The following TAF2 variants were observed in gnomAD, a reference collection of about 807,000 sequenced individuals.
TAF2 encodes the protein TATA-box binding protein associated factor 2.
TAF2 carries 61 observed loss-of-function variants against 138.5 expected under a neutral mutation model. The ratio of observed to expected loss-of-function variants is 0.44; its 90% CI spans 0.36 to 0.54. The LOEUF is 0.54. Ranked by LOEUF, TAF2 falls within the 20% of genes least tolerant of loss-of-function variation. The pLI, the probability that TAF2 is intolerant of heterozygous loss-of-function variation, is 0.00. For synonymous variants in TAF2, 475 were observed against 469.9 expected, an observed-to-expected ratio of 1.01 and a Z score of -0.14; for missense variants, 1,090 against 1,427.9, an observed-to-expected ratio of 0.76 and a Z score of 3.81.
intron 25 of TAF2, among the ~76,000 whole-genome samples, chr8:119,740,471 T>C (rs1264052725): frequency 7.3e-6 from 1 of 136,418 alleles, no homozygotes; most frequent in African/African-American, 2.8e-5. Flanking sequence ...CTGGCCAATA[T>C]GGTGAAATCC....
Position 119,746,942 on chromosome 8 carries a change from G to GT in TAF2, c.2879-9dup. On this transcript the variant is annotated splice_polypyrimidine_tract_variant and intron_variant, in intron 22 of 25. Coordinates refer to ENST00000378164, the MANE Select transcript of TAF2 (RefSeq NM_003184.4). ...TCCAGTCATGTGAAGTACCTAAAAAGTAAGTAATAAAGAAATGAGTCAATA... is the reference window on the plus strand; with the variant it reads ...TCCAGTCATGTGAAGTACCTAAAAAGTTAAGTAATAAAGAAATGAGTCAATA... 1.2e-6 allele frequency: 2 copies of GT among 1,613,554 alleles called. No homozygotes were observed. Among genetic ancestry groups the GT allele is most frequent in the Non-Finnish European group, 1.7e-6 (2 of 1,179,642 alleles).
chr8:119,815,024 C>T (rs1365092117), intron 3 of TAF2, among the ~76,000 whole-genome samples: 5 of 151,674 alleles, frequency 3.3e-5, no homozygotes, highest in Admixed American at 2.6e-4. Context: ...GGCATGATCT[C>T]GAACTCATGA....
At chr8:119,736,863 T>C (rs772636802) in intron 25 of TAF2, among the ~76,000 whole-genome samples, 1 of 152,160 alleles carries the variant, frequency 6.6e-6, no homozygotes, top group Non-Finnish European at 1.5e-5. Context: ...TTACAGAAAC[T>C]AGAGAACTTA....
chr8:119,754,065 C>G (rs1267083790), intron 22 of TAF2, among the ~76,000 whole-genome samples: 1 of 151,960 alleles, frequency 6.6e-6, no homozygotes, highest in African/African-American at 2.4e-5. Flanking sequence ...AAAAAATTAG[C>G]AATATTTTAG....
intron 3 of TAF2, among the ~76,000 whole-genome samples, chr8:119,811,963 A>C (rs1825098642): frequency 6.6e-6 from 1 of 152,150 alleles, no homozygotes; most frequent in East Asian, 1.9e-4. Context: ...CTACAAATGC[A>C]ACTTTTTTGT....
chr8:119,756,800 G>A (rs771081648), intron 21 of TAF2, among the ~76,000 whole-genome samples: 4 of 151,944 alleles, frequency 2.6e-5, no homozygotes, highest in East Asian at 1.9e-4. Context: ...ACAGGGCAAC[G>A]CAATGAAAAC....
At chr8:119,769,676 G>A (rs1821686559) in intron 18 of TAF2, among the ~76,000 whole-genome samples, 1 of 151,194 alleles carries the variant, frequency 6.6e-6, no homozygotes, top group Non-Finnish European at 1.5e-5. Flanking sequence ...AAACACAGGT[G>A]CAAGCTTTAA....
intron 18 of TAF2, among the ~76,000 whole-genome samples, chr8:119,771,523 A>C (rs542130342): frequency 6.6e-6 from 1 of 152,340 alleles, no homozygotes; most frequent in South Asian, 2.1e-4. Context: ...GGAATAAGCC[A>C]CTGTGCCCGG....
intron 1 of TAF2, 94 bp from the exon 2 acceptor site, chr8:119,831,825 T>C: frequency 3.7e-6 from 3 of 813,176 alleles, no homozygotes. Context: ...TAGGACTATG[T>C]TCTAAGTAAT....
At position 119,744,398 on chromosome 8, in the gene TAF2, A is replaced by C; in HGVS notation, c.3109-5T>G. ...CTCATCTTGAGAACTGGAAAACTAA[A>C]ACACACACACATAAAACAGAGGATA... On this transcript the variant is annotated splice_polypyrimidine_tract_variant and splice_region_variant and intron_variant, in intron 23 of 25. Coordinates refer to ENST00000378164, the MANE Select transcript of TAF2 (RefSeq NM_003184.4). The C allele has an allele frequency of 1.2e-6, 2 of 1,608,846 alleles. No homozygotes were observed. Among genetic ancestry groups the C allele is most frequent in the Middle Eastern group, 1.7e-4 (1 of 6,052 alleles).
Position 119,760,263 on chromosome 8 carries a change from C to T in TAF2, c.2698+336G>A, listed in dbSNP as rs1022303773. ...ATGTCTAGTCCTCTACTTTCACAGA[C>T]ACAAATTTTTATACAGGTGTGAGAT... On this transcript the variant is annotated intron_variant, in intron 20 of 25. Transcript: ENST00000378164. Among the ~76,000 whole-genome samples, 6 of 152,124 alleles carry T rather than the reference C, an allele frequency of 3.9e-5. 1 individual carries two copies. The highest frequency in any genetic ancestry group is 1.4e-4 in the African/African-American group (6 of 41,436).
chr8:119,795,877 T>C (rs1397458294), intron 8 of TAF2, among the ~76,000 whole-genome samples: 4 of 152,120 alleles, frequency 2.6e-5, no homozygotes, highest in African/African-American at 9.7e-5. Context: ...AGGTATAAAT[T>C]ACCAGAGTAC....
At chr8:119,787,610 G>A (rs1823113940) in intron 14 of TAF2, among the ~76,000 whole-genome samples, 1 of 152,198 alleles carries the variant, frequency 6.6e-6, no homozygotes, top group Non-Finnish European at 1.5e-5. Context: ...AGAGGATGTG[G>A]AGAAATAGGA....
intron 16 of TAF2, among the ~76,000 whole-genome samples, chr8:119,782,559 G>C (rs1233595085): frequency 6.6e-6 from 1 of 152,086 alleles, no homozygotes; most frequent in Non-Finnish European, 1.5e-5. Context: ...AGGACATATG[G>C]ATTTAACAGT....
chr8:119,820,496 T>C (rs1825745915), intron 2 of TAF2, among the ~76,000 whole-genome samples: 1 of 152,178 alleles, frequency 6.6e-6, no homozygotes, highest in Non-Finnish European at 1.5e-5. Flanking sequence ...TTATACTTTC[T>C]ACAGAGAAGC....
At chr8:119,796,304 C>A (rs1417356615) in intron 8 of TAF2, among the ~76,000 whole-genome samples, 4 of 151,994 alleles carry the variant, frequency 2.6e-5, no homozygotes, top group African/African-American at 4.8e-5. Context: ...CTCCTCTCCA[C>A]TCCAGCAAGC....
At chr8:119,792,613 G>A (rs979889768) in intron 10 of TAF2, among the ~76,000 whole-genome samples, 1 of 152,022 alleles carries the variant, frequency 6.6e-6, no homozygotes, top group Non-Finnish European at 1.5e-5. Flanking sequence ...TTGAATGATG[G>A]TGCCCCCTCC....
chr8:119,825,663 C>A (rs983678768), intron 2 of TAF2, among the ~76,000 whole-genome samples: 12 of 152,016 alleles, frequency 7.9e-5, no homozygotes, highest in Non-Finnish European at 1.8e-4. Context: ...GATAGTCTCA[C>A]GAGACCTGAC....
Position 119,731,998 on chromosome 8 carries a change from T to C in TAF2, c.3526A>G (p.Lys1176Glu). ...KHKHKHDSKEKDKEPFTFSSP... is the reference protein window; with the variant it reads ...KHKHKHDSKEEDKEPFTFSSP... ...GAGAAAGTGAAAGGCTCCTTGTCCTTTTCTTTACTGTCATGCTTATGCTTG... is the reference window on the plus strand; with the variant it reads ...GAGAAAGTGAAAGGCTCCTTGTCCTCTTCTTTACTGTCATGCTTATGCTTG... The change falls in exon 26 of 26, where the codon AAG (lysine) becomes GAG (glutamate). Residue 1176 changes from lysine to glutamate, a missense_variant. This residue lies in a region of TAF2 where 580 missense variants were observed against 719.6 expected (regional missense o/e 0.81). Transcript: ENST00000378164. 6.2e-7 allele frequency: 1 copy of C among 1,614,192 alleles called. No homozygotes were observed. Among genetic ancestry groups the C allele is most frequent in the Non-Finnish European group, 8.5e-7 (1 of 1,180,030 alleles).
Sources: allele counts gnomAD v4.1 joint callset (sites outside exome capture counted in the v4.1 genomes callset), GRCh38; gene constraint gnomAD v4.1.1; regional missense constraint gnomAD v4.1.1; transcripts MANE v1.5; gene names NCBI Gene and HGNC (gene_info 2026-07-23, HGNC 2026-07-21).